Variants in SYT1 observed in about 807,000 individuals in gnomAD.
SYT1 encodes the protein synaptotagmin-1.
In SYT1, 8 loss-of-function variants were observed where a neutral mutation model predicts 44.8. That is an observed-to-expected ratio of 0.18 (90% CI 0.10 to 0.32). SYT1 has a LOEUF of 0.32. Ranked by LOEUF, SYT1 falls within the 10% of genes least tolerant of loss-of-function variation. SYT1 has a pLI of 1.00. For missense variants in SYT1, 286 were observed against 509.3 expected (o/e 0.56, Z 4.22); for synonymous variants, 154 against 188.8 (o/e 0.82, Z 1.51).
At chr12:79,012,241 A>C (rs1324370568) in intron 2 of SYT1, among the ~76,000 whole-genome samples, 1 of 151,836 alleles carries the variant, frequency 6.6e-6, no homozygotes, top group Non-Finnish European at 1.5e-5. Flanking sequence ...TCCAGACTCT[A>C]TTTTTGGGAA....
intron 8 of SYT1, among the ~76,000 whole-genome samples, chr12:79,307,198 T>G (rs1880438257): frequency 2.0e-5 from 3 of 152,188 alleles, no homozygotes. Context: ...TGACTTGTAC[T>G]AGTTGTACTA....
Position 79,349,041 on chromosome 12 carries a change from G to GAA in SYT1, c.811-4459_811-4458dup, listed in dbSNP as rs1222691539. ...AAAGAAAGAAAGAAAGAAAAAGAAA[G>GAA]AAAGAAAGAAAGAAAGGAGGGAGGG... On this transcript the variant is annotated intron_variant, in intron 8 of 10. Coordinates refer to ENST00000261205, the MANE Select transcript of SYT1 (RefSeq NM_005639.3). Among the ~76,000 whole-genome samples, 313 of 113,044 alleles carry GAA rather than the reference G, an allele frequency of 2.8e-3. 4 individuals carry two copies. The highest frequency in any genetic ancestry group is 9.7e-3 in the African/African-American group (286 of 29,604). 74.2% of individuals were successfully genotyped at this position (113,044 alleles called of 152,430 possible). A position where few individuals can be genotyped will look rare whatever the true frequency, so the allele number is the denominator to read the frequency against.
At chr12:79,416,352 C>T (rs1057086180) in intron 9 of SYT1, among the ~76,000 whole-genome samples, 9 of 152,118 alleles carry the variant, frequency 5.9e-5, no homozygotes, top group Non-Finnish European at 1.3e-4. Context: ...ACGGCAAAAA[C>T]AAAAAGTTGA....
chr12:79,231,938 A>T (rs1875892880), intron 4 of SYT1, among the ~76,000 whole-genome samples: 1 of 152,176 alleles, frequency 6.6e-6, no homozygotes, highest in South Asian at 2.1e-4. Flanking sequence ...TCAGGAGAAC[A>T]TTGTTTGCTA....
intron 2 of SYT1, among the ~76,000 whole-genome samples, chr12:79,031,568 C>T (rs1161109412): frequency 1.3e-5 from 2 of 151,038 alleles, no homozygotes; most frequent in Non-Finnish European, 3.0e-5. Flanking sequence ...GCTCTTACTT[C>T]CTGTTAAGAT....
At chr12:79,198,086 C>A (rs1873566934) in intron 3 of SYT1, among the ~76,000 whole-genome samples, 1 of 152,018 alleles carries the variant, frequency 6.6e-6, no homozygotes, top group Admixed American at 6.5e-5. Flanking sequence ...CAATAAAAAT[C>A]TTGTAGAAAT....
At chr12:78,883,392 C>A (rs1332844285) in intron 1 of SYT1, among the ~76,000 whole-genome samples, 4 of 151,596 alleles carry the variant, frequency 2.6e-5, no homozygotes, top group Non-Finnish European at 5.9e-5. Context: ...TTATATATTT[C>A]TTTTGAATAA....
At chr12:79,187,225 T>C (rs1379535854) in intron 3 of SYT1, among the ~76,000 whole-genome samples, 1 of 152,070 alleles carries the variant, frequency 6.6e-6, no homozygotes, top group Non-Finnish European at 1.5e-5. Context: ...TAAAAAGATA[T>C]ATATTGGATG....
At chr12:79,220,945 T>C (rs1875122716) in intron 4 of SYT1, among the ~76,000 whole-genome samples, 1 of 152,140 alleles carries the variant, frequency 6.6e-6, no homozygotes. Flanking sequence ...TTGGGCTGAT[T>C]AGATGCAGAT....
intron 2 of SYT1, among the ~76,000 whole-genome samples, chr12:78,982,696 T>A (rs956917611): frequency 2.0e-5 from 3 of 152,150 alleles, no homozygotes; most frequent in South Asian, 4.1e-4. Context: ...TTCTAAACGG[T>A]TTTGTTACCC....
At chr12:79,110,781 T>C (rs1878969404) in intron 3 of SYT1, among the ~76,000 whole-genome samples, 1 of 152,198 alleles carries the variant, frequency 6.6e-6, no homozygotes, top group Non-Finnish European at 1.5e-5. Flanking sequence ...TGATTGGTTC[T>C]TAGGAAATTA....
intron 3 of SYT1, among the ~76,000 whole-genome samples, chr12:79,185,651 C>T (rs1269027191): frequency 6.6e-6 from 1 of 152,000 alleles, no homozygotes; most frequent in East Asian, 1.9e-4. Context: ...TTCATTATAT[C>T]AGCTAACTAC....
chr12:79,156,885 G>A (rs1565831102), intron 3 of SYT1, among the ~76,000 whole-genome samples: 3 of 152,164 alleles, frequency 2.0e-5, no homozygotes, highest in Non-Finnish European at 2.9e-5. Context: ...TACTTGGCGA[G>A]CATGACTGTC....
At chr12:78,903,947 A>G (rs1381886) in intron 1 of SYT1, among the ~76,000 whole-genome samples, 52,879 of 151,716 alleles carry the variant, frequency 0.35, 10,819 homozygotes, top group African/African-American at 0.57. Flanking sequence ...AAAAAATCAC[A>G]TATTATTAAA....
chr12:79,069,619 A>T (rs1190954285), intron 3 of SYT1, among the ~76,000 whole-genome samples: 1 of 152,070 alleles, frequency 6.6e-6, no homozygotes, highest in Non-Finnish European at 1.5e-5. Flanking sequence ...ATGTAGAAAG[A>T]TGGCTACTAA....
intron 9 of SYT1, among the ~76,000 whole-genome samples, chr12:79,390,166 C>G (rs1884600665): frequency 6.6e-6 from 1 of 152,082 alleles, no homozygotes; most frequent in African/African-American, 2.4e-5. Context: ...ATCTCCTGAC[C>G]TTGTGATCCG....
chr12:79,130,000 G>A (rs1380513369), intron 3 of SYT1, among the ~76,000 whole-genome samples: 2 of 152,128 alleles, frequency 1.3e-5, no homozygotes, highest in Non-Finnish European at 2.9e-5. Context: ...AACATTTTTA[G>A]ATTAAAAGTT....
chr12:79,154,916 G>A (rs562203928), intron 3 of SYT1, among the ~76,000 whole-genome samples: 2 of 152,140 alleles, frequency 1.3e-5, no homozygotes, highest in African/African-American at 4.8e-5. Flanking sequence ...CATCTACCAA[G>A]AAACATATGA....
At chr12:78,883,956 T>C (rs1341923223) in intron 1 of SYT1, among the ~76,000 whole-genome samples, 2 of 151,642 alleles carry the variant, frequency 1.3e-5, no homozygotes, top group Non-Finnish European at 3.0e-5. Context: ...TTAAAGGAAA[T>C]ATTTTAGCTT....
Sources: gnomAD v4.1 joint callset for allele counts (sites outside exome capture counted in the v4.1 genomes callset) on GRCh38, gnomAD v4.1.1 for gene constraint, MANE v1.5 for transcripts, NCBI Gene and HGNC (gene_info 2026-07-23, HGNC 2026-07-21) for gene names.